TMEM52B: variants seen among roughly 807,000 people sequenced by gnomAD.
The protein encoded by TMEM52B is transmembrane protein 52B.
Under a neutral mutation model 16.1 loss-of-function variants are expected in TMEM52B, and 11 were observed. The ratio of observed to expected loss-of-function variants is 0.68; its 90% CI spans 0.43 to 1.13. TMEM52B has a LOEUF of 1.13. Among genes scored for constraint, TMEM52B ranks in the 50% most tolerant of loss-of-function variants. The pLI is 0.00. For synonymous variants in TMEM52B, 101 were observed against 93.8 expected, an observed-to-expected ratio of 1.08 and a Z score of -0.45; for missense variants, 243 against 230.4, an observed-to-expected ratio of 1.05 and a Z score of -0.35.
At position 10,190,505 on chromosome 12, in the gene TMEM52B, G is replaced by T; in HGVS notation, c.*365G>T. ...CTCTCTCTGTCAGCGAATCCACTGC[G>T]GTTAACTGGAAAAGAAAGACAACAG... On this transcript the variant is annotated 3_prime_UTR_variant, in exon 5 of 5. Coordinates refer to ENST00000543484, the MANE Select transcript of TMEM52B (RefSeq NM_001384896.1). The T allele has an allele frequency of 4.3e-6, 1 of 232,754 alleles. No individual in the cohort carries two copies. Among genetic ancestry groups the T allele is most frequent in the Non-Finnish European group, 8.7e-6 (1 of 114,638 alleles). The allele number at this position is 232,754 out of a possible 1,614,324, so 14.4% of individuals were successfully genotyped here.
chr12:10,174,593 G>A (rs1051926155), upstream of TMEM52B, among the ~76,000 whole-genome samples: 43 of 152,252 alleles, frequency 2.8e-4, no homozygotes, highest in Admixed American at 1.2e-3. Context: ...TTCTCCACTC[G>A]CTGGCCGAGT....
chr12:10,185,002 G>A (rs1008107590), intron 2 of TMEM52B, among the ~76,000 whole-genome samples: 6 of 152,054 alleles, frequency 3.9e-5, no homozygotes, highest in African/African-American at 1.4e-4. Flanking sequence ...ATGAGGCACC[G>A]CACCTGGCCC....
At position 10,172,062 on chromosome 12, in the gene TMEM52B, G is replaced by A. The variant is rs183354237; in HGVS notation, c.-95+1211G>A. On this transcript the variant is annotated intron_variant, in intron 1 of 5. Coordinates refer to the TMEM52B transcript ENST00000381923. ...TGGTCCTTCACAGTCTGGATCTTTAGGTCATCAAAAGTCATTTCCAAATTC... is the reference window on the plus strand; with the variant it reads ...TGGTCCTTCACAGTCTGGATCTTTAAGTCATCAAAAGTCATTTCCAAATTC... 17 of 1,613,450 alleles carry A rather than the reference G, an allele frequency of 1.1e-5. No individual in the cohort carries two copies. In the African/African-American group the frequency reaches 2.0e-4, roughly 19 times the overall value.
intron 1 of TMEM52B, 153 bp from the exon 2 acceptor site, chr12:10,182,397 G>A (rs1328466196): frequency 1.0e-6 from 1 of 985,282 alleles, no homozygotes; most frequent in African/African-American, 1.7e-5. Context: ...GTATGGGAGA[G>A]ATGAAAATGG....
intron 1 of TMEM52B, 110 bp downstream of exon 1, chr12:10,179,738 C>G: frequency 1.6e-6 from 2 of 1,276,626 alleles, no homozygotes; most frequent in Non-Finnish European, 2.3e-6. Flanking sequence ...ATACAGAACC[C>G]AGGGGGTCAT....
intron 3 of TMEM52B, 51 bp from the exon 4 acceptor site, chr12:10,186,369 G>A: frequency 6.6e-7 from 1 of 1,515,142 alleles, no homozygotes; most frequent in Non-Finnish European, 8.9e-7. Flanking sequence ...CAGCAGAGCT[G>A]GGAAAAAAGC....
chr12:10,177,226 C>T (rs1948772528), upstream of TMEM52B, among the ~76,000 whole-genome samples: 1 of 152,184 alleles, frequency 6.6e-6, no homozygotes, highest in Non-Finnish European at 1.5e-5. Flanking sequence ...ACCCTTCATC[C>T]TAACCCCAGT....
chr12:10,185,161 T>A (rs1340419940), intron 2 of TMEM52B, among the ~76,000 whole-genome samples, 169 bp from the exon 3 acceptor site: 1 of 152,222 alleles, frequency 6.6e-6, no homozygotes, highest in Non-Finnish European at 1.5e-5. Flanking sequence ...TTAAAGCATA[T>A]CATTTGGCAA....
Position 10,190,098 on chromosome 12 carries a change from A to C in TMEM52B, c.510A>C (p.Pro170=), listed in dbSNP as rs1948940793. The part of the protein sequence containing the change: ...PPVPEEKQLP[P]TEKESTRIVD... ...TACCTGAAGAAAAGCAGCTGCCTCCAACAGAGAAGGAGTCGACTCGAATAG... is the reference window on the plus strand; with the variant it reads ...TACCTGAAGAAAAGCAGCTGCCTCCCACAGAGAAGGAGTCGACTCGAATAG... Residue 170 remains proline (P), a synonymous_variant, in exon 5 of 5, where the codon CCA becomes CCC. Coordinates refer to ENST00000543484, the MANE Select transcript of TMEM52B (RefSeq NM_001384896.1). 2 of 1,614,080 alleles carry C rather than the reference A, an allele frequency of 1.2e-6. No homozygotes were observed. Among genetic ancestry groups the C allele is most frequent in the African/African-American group, 2.7e-5 (2 of 74,926 alleles).
chr12:10,178,008 G>A (rs1168579844), upstream of TMEM52B, among the ~76,000 whole-genome samples: 1 of 150,580 alleles, frequency 6.6e-6, no homozygotes, highest in East Asian at 2.1e-4. Flanking sequence ...TGGCCCTCCT[G>A]CTTCAGCCTC....
At chr12:10,188,286 C>T (rs1386701176) in intron 4 of TMEM52B, among the ~76,000 whole-genome samples, 2 of 151,782 alleles carry the variant, frequency 1.3e-5, no homozygotes, top group African/African-American at 4.8e-5. Flanking sequence ...ATGGTGAAAC[C>T]CCGTCCCTAT....
upstream of TMEM52B, chr12:10,175,441 G>A (rs967442729): frequency 6.6e-6 from 1 of 152,062 alleles, no homozygotes; most frequent in African/African-American, 2.4e-5. Flanking sequence ...ATCAAGCAGA[G>A]GACCCAACTA....
At chr12:10,175,124 T>C (rs1338776941), upstream of TMEM52B, among the ~76,000 whole-genome samples, 1 of 152,182 alleles carries the variant, frequency 6.6e-6, no homozygotes, top group East Asian at 1.9e-4. Flanking sequence ...TGATCTTGTG[T>C]AATCCTTCCC....
At chr12:10,189,089 T>G in intron 4 of TMEM52B, among the ~76,000 whole-genome samples, 1 of 131,114 alleles carries the variant, frequency 7.6e-6, no homozygotes, top group Non-Finnish European at 1.6e-5. Flanking sequence ...TAATCCCAGC[T>G]ACTCGGGAGG....
rs11053663 is a variant in TMEM52B, at chr12:10,188,556, A to C, written c.308-1340A>C. Among the ~76,000 whole-genome samples the C allele has an allele frequency of 9.5e-3, 533 of 55,830 alleles. 1 individual carries two copies. Among genetic ancestry groups the C allele is most frequent in the East Asian group, 0.083 (33 of 396 alleles). 36.6% of individuals were successfully genotyped at this position (55,830 alleles called of 152,430 possible). ...AGGAAGGAAAAGAAGAAAAAGAAAA[A>C]GAAAAAGAAAAAGAAAAAGAAAAAA... On this transcript the variant is annotated intron_variant, in intron 4 of 4. Transcript: ENST00000543484.
chr12:10,173,223 A>G (rs1345319886), intron 1 of TMEM52B, among the ~76,000 whole-genome samples: 5 of 152,196 alleles, frequency 3.3e-5, no homozygotes. Context: ...AACCAGATAT[A>G]TATCTATTAG....
chr12:10,180,304 G>T (rs186104703), intron 1 of TMEM52B, among the ~76,000 whole-genome samples: 2 of 146,864 alleles, frequency 1.4e-5, no homozygotes, highest in African/African-American at 4.9e-5. Flanking sequence ...TAATAGAACA[G>T]TTAAAGTGGT....
intron 1 of TMEM52B, among the ~76,000 whole-genome samples, chr12:10,180,452 G>A (rs1948809722): frequency 6.6e-6 from 1 of 151,904 alleles, no homozygotes; most frequent in Non-Finnish European, 1.5e-5. Context: ...AGCACTTTAG[G>A]CTTCTCTTAC....
chr12:10,187,905 G>T (rs986959464), intron 4 of TMEM52B, among the ~76,000 whole-genome samples: 1 of 151,914 alleles, frequency 6.6e-6, no homozygotes, highest in African/African-American at 2.4e-5. Flanking sequence ...TCGAGACCAA[G>T]CTGGTCAACA....
Sources: allele counts gnomAD v4.1 joint callset (sites outside exome capture counted in the v4.1 genomes callset), GRCh38; gene constraint gnomAD v4.1.1; transcripts MANE v1.5; gene names NCBI Gene and HGNC (gene_info 2026-07-23, HGNC 2026-07-21).